CASP10: variants seen among roughly 807,000 people sequenced by gnomAD.
The protein encoded by CASP10 is caspase-10.
In CASP10, 41 loss-of-function variants were observed where a neutral mutation model predicts 48.5. The ratio of observed to expected loss-of-function variants is 0.85; its 90% CI spans 0.66 to 1.10. The LOEUF is 1.10. CASP10 is among the 50% of genes least tolerant of loss of function. The pLI, the probability that CASP10 is intolerant of heterozygous loss-of-function variation, is 0.00. For synonymous variants in CASP10, 232 were observed against 238.4 expected, an observed-to-expected ratio of 0.97 and a Z score of 0.25; for missense variants, 614 against 614.5, an observed-to-expected ratio of 1.00 and a Z score of 0.01.
At chr2:201,212,073 C>T (rs968296913) in intron 9 of CASP10, among the ~76,000 whole-genome samples, 6 of 152,210 alleles carry the variant, frequency 3.9e-5, no homozygotes, top group South Asian at 2.1e-4. Context: ...CTCAGTCTCC[C>T]GAGTAGCTGG....
intron 1 of CASP10, among the ~76,000 whole-genome samples, chr2:201,184,317 T>TTTG (rs1944335119): frequency 6.6e-6 from 1 of 151,850 alleles, no homozygotes; most frequent in Admixed American, 6.6e-5. Context: ...AGGAGGTTTT[T>TTTG]TTGTTGTTGT....
rs1415867168 is a variant in CASP10, at chr2:201,192,985, C to T, written c.443C>T (p.Thr148Ile). The change falls in exon 4 of 10, where the codon ACC becomes ATC. Residue 148 changes from threonine (T) to isoleucine (I), a missense_variant and splice_region_variant. Thr to Ile is a moderately conservative substitution (Grantham distance 89, BLOSUM62 -1). Coordinates refer to ENST00000286186, the MANE Select transcript of CASP10 (RefSeq NM_032977.4). Reference sequence around the variant, plus strand: ...GTAACTCTATTGATTCTCTTGTAGACCTCCCTAAGTTTCCTGGCATTTCTA... The same window carrying T: ...GTAACTCTATTGATTCTCTTGTAGATCTCCCTAAGTTTCCTGGCATTTCTA... ...LKDSLPKTEM[T>I]SLSFLAFLEK... 3 of 1,612,918 alleles carry T rather than the reference C, an allele frequency of 1.9e-6. No individual in the cohort carries two copies. Among genetic ancestry groups the T allele is most frequent in the East Asian group, 2.2e-5 (1 of 44,848 alleles).
rs1463712906 is a variant in CASP10, at chr2:201,209,486, G to C, written c.1339G>C (p.Val447Leu). ...LLGLATVPGY[V>L]SFRHVEEGSW... is the part of the protein sequence containing the mutation. ...TGGTCTGGCCACTGTCCCAGGCTATGTATCCTTTCGGCATGTGGAGGAAGG... is the reference window on the plus strand; with the variant it reads ...TGGTCTGGCCACTGTCCCAGGCTATCTATCCTTTCGGCATGTGGAGGAAGG... The change falls in exon 9 of 10, where the codon GTA becomes CTA. Residue 447 changes from valine (V) to leucine (L), a missense_variant. Transcript: ENST00000286186. 1 of 1,613,770 alleles carries C rather than the reference G, an allele frequency of 6.2e-7. No individual in the cohort carries two copies. The highest frequency in any genetic ancestry group is 8.5e-7 in the Non-Finnish European group (1 of 1,179,890).
At chr2:201,188,825 A>G (rs1944504111) in intron 3 of CASP10, among the ~76,000 whole-genome samples, 1 of 151,436 alleles carries the variant, frequency 6.6e-6, no homozygotes, top group Non-Finnish European at 1.5e-5. Context: ...ATGTTCAACC[A>G]TTTTATATAT....
In CASP10 at chr2:201,195,897, G is replaced by A; in HGVS notation, c.633G>A (p.Glu211=). The change falls in exon 5 of 10, where the codon GAG becomes GAA. Residue 211 remains glutamate, a synonymous_variant. Transcript: ENST00000286186. ...VDKEAESYQG[E]EELVSQTDVK... is the part of the protein sequence containing the mutation. ...AGGAAGCCGAGTCGTATCAAGGAGAGGAAGAACTAGTTTCCCAAACAGATG... is the reference window on the plus strand; with the variant it reads ...AGGAAGCCGAGTCGTATCAAGGAGAAGAAGAACTAGTTTCCCAAACAGATG... 1.2e-6 allele frequency: 2 copies of A among 1,614,046 alleles called. No homozygotes were observed. The highest frequency in any genetic ancestry group is 1.7e-6 in the Non-Finnish European group (2 of 1,179,960).
chr2:201,204,100 A>G (rs980480790), intron 6 of CASP10, among the ~76,000 whole-genome samples: 1 of 152,190 alleles, frequency 6.6e-6, no homozygotes, highest in African/African-American at 2.4e-5. Context: ...CCTTCAGGCC[A>G]GTAGTGACAG....
At chr2:201,209,618 T>C (rs889443942) in intron 9 of CASP10, 56 bp downstream of exon 9, 39 of 1,530,968 alleles carry the variant, frequency 2.5e-5, no homozygotes, top group Non-Finnish European at 3.3e-5. Flanking sequence ...TTATTTTTTA[T>C]TTTACTCTCA....
rs1945275006 is a variant in CASP10, at chr2:201,208,260, T to A, written c.922+77T>A. 6.5e-6 allele frequency: 10 copies of A among 1,530,800 alleles called. No individual in the cohort carries two copies. The South Asian group carries it at 1.3e-4, about 19-fold the overall frequency. The allele number at this position is 1,530,800 out of a possible 1,614,324, so 94.8% of individuals were successfully genotyped here. A position where few individuals can be genotyped will look rare whatever the true frequency, so the allele number is the denominator to read the frequency against. ...ATTTTTTATTTTCACATTTTCTTTC[T>A]GTGACTTTTATCTTCCATATACGTG... On this transcript the variant is annotated intron_variant, in intron 8 of 9. Transcript: ENST00000286186.
rs535683446 is a variant in CASP10 at position 201,207,734 on chromosome 2, G to A, written c.814-341G>A. Among the ~76,000 whole-genome samples, 28 of 151,638 alleles carry A rather than the reference G, an allele frequency of 1.8e-4. 1 individual carries two copies. The South Asian group carries it at 5.8e-3, about 32-fold the overall frequency. On this transcript the variant is annotated intron_variant, in intron 7 of 9. Transcript: ENST00000286186. ...ATCACGCCATTGCACTCCAGCCTGG[G>A]TGACAGAGCGAGATGCTGTCTCAAA... is the stretch of plus-strand genomic sequence containing the variant.
chr2:201,185,954 A>G lies in CASP10; in HGVS notation c.177A>G (p.Ser59=), dbSNP rs3900115. 801,132 of 1,613,588 alleles carry G rather than the reference A, an allele frequency of 0.5. 203,378 individuals carry two copies. The highest frequency in any genetic ancestry group is 0.53 in the Non-Finnish European group (620,672 of 1,179,754). ...AGCTGGAGAAGTCCAGCTCAGCCTCAGATGTTTTTGAACATCTCTTGGCAG... is the reference window on the plus strand; with the variant it reads ...AGCTGGAGAAGTCCAGCTCAGCCTCGGATGTTTTTGAACATCTCTTGGCAG... The part of the protein sequence containing the change: ...NKKLEKSSSA[S]DVFEHLLAED... Residue 59 remains serine (S), a synonymous_variant, in exon 2 of 10, where the codon TCA becomes TCG. Coordinates refer to ENST00000286186, the MANE Select transcript of CASP10 (RefSeq NM_032977.4).
rs1378480419 is a variant in CASP10, at chr2:201,221,217, C to T, written c.*3476C>T. 2.0e-6 allele frequency: 2 copies of T among 985,364 alleles called. No homozygotes were observed. Among genetic ancestry groups the T allele is most frequent in the East Asian group, 2.3e-4 (2 of 8,812 alleles). The allele number at this position is 985,364 out of a possible 1,614,324, so 61.0% of individuals were successfully genotyped here. On this transcript the variant is annotated 3_prime_UTR_variant, in exon 10 of 10. Coordinates refer to ENST00000286186, the MANE Select transcript of CASP10 (RefSeq NM_032977.4). Reference sequence around the variant, plus strand: ...TACTCTGAGTAAGATCTAATTCTTCCCTCACTGGTTCGTGATGTCTACCGC... The same window carrying T: ...TACTCTGAGTAAGATCTAATTCTTCTCTCACTGGTTCGTGATGTCTACCGC...
chr2:201,205,664 C>T (rs927292976), intron 6 of CASP10, among the ~76,000 whole-genome samples: 3 of 152,142 alleles, frequency 2.0e-5, no homozygotes, highest in Non-Finnish European at 4.4e-5. Flanking sequence ...TAATTCCCCA[C>T]CCAATCCCTG....
chr2:201,219,595 C>G lies in CASP10; in HGVS notation c.*1854C>G, dbSNP rs544040210. On this transcript the variant is annotated 3_prime_UTR_variant, in exon 10 of 10. Coordinates refer to ENST00000286186, the MANE Select transcript of CASP10 (RefSeq NM_032977.4). ...GAAACTGAAGCTGTTCTCAGGATCA[C>G]TGGGCTCTTCTTGGCAGAGGGGATG... 2.9e-5 allele frequency: 29 copies of G among 985,280 alleles called. No individual in the cohort carries two copies. The highest frequency in any genetic ancestry group is 3.4e-5 in the Non-Finnish European group (28 of 829,982). 61.0% of individuals were successfully genotyped at this position (985,280 alleles called of 1,614,324 possible).
At chr2:201,188,171 G>GTTTTGT (rs886484880) in intron 3 of CASP10, among the ~76,000 whole-genome samples, 8 of 151,960 alleles carry the variant, frequency 5.3e-5, no homozygotes, top group Non-Finnish European at 1.0e-4. Flanking sequence ...AATCTGTTGT[G>GTTTTGT]TTTTGTTTTT....
At chr2:201,186,430 C>T (rs560605334) in intron 2 of CASP10, 6 of 393,094 alleles carry the variant, frequency 1.5e-5, no homozygotes, top group African/African-American at 1.2e-4. Context: ...AGCGGCTACA[C>T]GTGCAGATCT....
intron 5 of CASP10, among the ~76,000 whole-genome samples, chr2:201,201,486 A>G (rs959552032): frequency 6.6e-6 from 1 of 152,136 alleles, no homozygotes; most frequent in African/African-American, 2.4e-5. Context: ...ACACACACAC[A>G]CACACACACG....
intron 5 of CASP10, among the ~76,000 whole-genome samples, chr2:201,197,315 T>A (rs1944835621): frequency 6.6e-6 from 1 of 152,000 alleles, no homozygotes; most frequent in African/African-American, 2.4e-5. Context: ...CATAGGCTCA[T>A]TGATATAAAC....
chr2:201,186,624 G>A (rs887486518), intron 2 of CASP10, among the ~76,000 whole-genome samples: 3 of 152,158 alleles, frequency 2.0e-5, no homozygotes, highest in African/African-American at 7.2e-5. Context: ...AATCCAGAAA[G>A]GTAAAAACAG....
Position 201,208,558 on chromosome 2 carries a change from G to A in CASP10, c.922+375G>A, listed in dbSNP as rs148867428. 821 of 155,384 alleles carry A rather than the reference G, an allele frequency of 5.3e-3. 7 individuals carry two copies. Among genetic ancestry groups the A allele is most frequent in the African/African-American group, 0.018 (749 of 41,628 alleles). 9.6% of individuals were successfully genotyped at this position (155,384 alleles called of 1,614,324 possible). On this transcript the variant is annotated intron_variant, in intron 8 of 9. Coordinates refer to ENST00000286186, the MANE Select transcript of CASP10 (RefSeq NM_032977.4). ...GCCACTGCCGATTCTCAGGACTGTT[G>A]TGACAACACTGGGTATTACGTGATA...
Sources: allele counts gnomAD v4.1 joint callset (sites outside exome capture counted in the v4.1 genomes callset), GRCh38; gene constraint gnomAD v4.1.1; transcripts MANE v1.5; gene names NCBI Gene and HGNC (gene_info 2026-07-23, HGNC 2026-07-21).